Variants in COL6A3 observed in about 807,000 individuals in gnomAD.
COL6A3 encodes the protein collagen type VI alpha 3 chain, also known as collagen alpha-3(VI) chain.
In COL6A3, 137 loss-of-function variants were observed where a neutral mutation model predicts 274.1. That is an observed-to-expected ratio of 0.50 (90% CI 0.44 to 0.58). COL6A3 has a LOEUF of 0.58. Ranked by LOEUF, COL6A3 falls within the 20% of genes least tolerant of loss-of-function variation. The pLI, the probability that COL6A3 is intolerant of heterozygous loss-of-function variation, is 0.00. For synonymous variants in COL6A3, 1,650 were observed against 1,650.6 expected, an observed-to-expected ratio of 1.00 and a Z score of 0.01; for missense variants, 3,950 against 4,124.9, an observed-to-expected ratio of 0.96 and a Z score of 1.16.
At position 237,380,922 on chromosome 2, in the gene COL6A3, G is replaced by A. The variant is rs1252237539; in HGVS notation, c.1890C>T (p.Thr630=). Residue 630 remains threonine (T), a synonymous_variant, in exon 5 of 44, where the codon ACC becomes ACT. Transcript: ENST00000295550. ...LLAPLRTLSG[T]PEVHSNKRDI... ...AAGCCATCACCACCATACCTTCAGG[G>A]GTTCCAGAGAGGGTCCTGAGAGGTG... 7 of 1,613,906 alleles carry A rather than the reference G, an allele frequency of 4.3e-6. No individual in the cohort carries two copies. Among genetic ancestry groups the A allele is most frequent in the Non-Finnish European group, 5.1e-6 (6 of 1,179,988 alleles).
In COL6A3 at chr2:237,341,079, C is replaced by T; in HGVS notation, c.7837G>A (p.Gly2613Arg). The T allele has an allele frequency of 6.2e-7, 1 of 1,614,208 alleles. No homozygotes were observed. Among genetic ancestry groups the T allele is most frequent in the Non-Finnish European group, 8.5e-7 (1 of 1,180,046 alleles). The change falls in exon 38 of 44, where the codon GGG becomes AGG. Residue 2613 changes from glycine (G) to arginine (R), a missense_variant. This residue lies in a region of COL6A3 where 1,284 missense variants were observed against 1,349.7 expected (regional missense o/e 0.95). Coordinates refer to ENST00000295550, the MANE Select transcript of COL6A3 (RefSeq NM_004369.4). ...RPSFRDRRAA[G>R]SDVDIDMAFI... ...GCCATGTCGATGTCCACATCGCTCCCTGCCGCTCTCCTGTCCCTGAAGGAA... is the reference window on the plus strand; with the variant it reads ...GCCATGTCGATGTCCACATCGCTCCTTGCCGCTCTCCTGTCCCTGAAGGAA...
At chr2:237,335,626 G>GC (rs533086929) in intron 40 of COL6A3, among the ~76,000 whole-genome samples, 8 of 152,138 alleles carry the variant, frequency 5.3e-5, no homozygotes, top group Non-Finnish European at 1.0e-4. Context: ...ACAGCTTAGG[G>GC]CCCCTTTTCT....
At position 237,368,929 on chromosome 2, in the gene COL6A3, A is replaced by T. The variant is rs1553557796; in HGVS notation, c.4534T>A (p.Ser1512Thr). ...AIRRLRLRGG[S>T]PLNTGKALEF... ...AGAGCCTTGCCAGTGTTCAGTGGGG[A>T]CCCCCCTCTGAGCCTCAGGCGCCGT... The change falls in exon 10 of 44, where the codon TCC becomes ACC. Residue 1512 changes from serine to threonine, a missense_variant. By Grantham distance (58) the Ser-to-Thr change is moderately conservative. Coordinates refer to ENST00000295550, the MANE Select transcript of COL6A3 (RefSeq NM_004369.4). This position sits in a 1 kb window ranked among gnomAD's most constrained non-coding sequence, Gnocchi z 4.4. 2.5e-6 allele frequency: 4 copies of T among 1,613,422 alleles called. No individual in the cohort carries two copies. The highest frequency in any genetic ancestry group is 4.5e-5 in the East Asian group (2 of 44,852).
intron 4 of COL6A3, chr2:237,386,583 T>G (rs2078148629): frequency 6.6e-6 from 1 of 152,186 alleles, no homozygotes; most frequent in South Asian, 2.1e-4. Flanking sequence ...TCGGTATCCA[T>G]TCACCAATTT....
In COL6A3 at chr2:237,374,699, C is replaced by T. The variant is rs769494656; in HGVS notation, c.3392G>A (p.Gly1131Asp). ...VSSAGSRITE[G>D]VPQLLIVLTA... ...GAGGACGATCAGCAGCTGGGGCACA[C>T]CTTCTGTTATCCTGCTTCCCGCAGA... Residue 1131 changes from glycine to aspartate, a missense_variant, in exon 8 of 44, where the codon GGT becomes GAT. Around this residue, in one of 5 missense-constraint regions of COL6A3, gnomAD observed 1,934 missense variants for 1,984.3 expected, o/e 0.97. Transcript: ENST00000295550. The surrounding 1 kb of genome is among the most constrained non-coding windows in gnomAD (Gnocchi z 4.8). 10 of 1,613,580 alleles carry T rather than the reference C, an allele frequency of 6.2e-6. No individual in the cohort carries two copies. The highest frequency in any genetic ancestry group is 4.0e-5 in the African/African-American group (3 of 74,938).
At chr2:237,370,599 A>G (rs2077664100) in intron 9 of COL6A3, among the ~76,000 whole-genome samples, 1 of 152,232 alleles carries the variant, frequency 6.6e-6, no homozygotes, top group African/African-American at 2.4e-5. Context: ...ACATTTTCCT[A>G]TTAGTTAGAA....
Position 237,334,895 on chromosome 2 carries a change from A to C in COL6A3, c.8966-6T>G. On this transcript the variant is annotated splice_region_variant and splice_polypyrimidine_tract_variant and intron_variant, in intron 40 of 43. Transcript: ENST00000295550. ...GACTTCACGGGACATCTTAACTGAA[A>C]GATAGATCAGAGCGTGAAGATAAAA... 6.2e-7 allele frequency: 1 copy of C among 1,614,158 alleles called. No individual in the cohort carries two copies. Among genetic ancestry groups the C allele is most frequent in the South Asian group, 1.1e-5 (1 of 91,078 alleles).
rs2077626796 is a variant in COL6A3 at position 237,369,176 on chromosome 2, T to C, written c.4287A>G (p.Ala1429=). The C allele has an allele frequency of 1.2e-6, 2 of 1,609,820 alleles. No homozygotes were observed. Among genetic ancestry groups the C allele is most frequent in the African/African-American group, 1.3e-5 (1 of 74,938 alleles). The change falls in exon 10 of 44, where the codon GCA becomes GCG. Residue 1429 remains alanine, a splice_region_variant and synonymous_variant. Transcript: ENST00000295550. ...LLASTRYPPP[A]VESDAADIVF... ...CAATGTCTGCAGCATCACTCTCAAC[T>C]GCTGCAGATCAAAGAAGAAAAAGGG...
rs1189356871 is a variant in COL6A3 at position 237,374,738 on chromosome 2, T to C, written c.3353A>G (p.Asn1118Ser). Residue 1118 changes from asparagine (N) to serine (S), a missense_variant, in exon 8 of 44, where the codon AAC becomes AGC. Asn to Ser is a conservative substitution (Grantham distance 46). Around this residue, in one of 5 missense-constraint regions of COL6A3, gnomAD observed 1,934 missense variants for 1,984.3 expected, o/e 0.97. Transcript: ENST00000295550. This position sits in a 1 kb window ranked among gnomAD's most constrained non-coding sequence, Gnocchi z 4.8. ...GCTTCCCGCAGAGCTGACCAGGATG[T>C]TCCTCAGGACAAACTCCAGGGCGGC... is the stretch of plus-strand genomic sequence containing the variant. ...TGAALEFVLR[N>S]ILVSSAGSRI... 3.7e-6 allele frequency: 6 copies of C among 1,613,434 alleles called. No homozygotes were observed. In the African/African-American group the frequency reaches 6.7e-5, roughly 18 times the overall value.
At position 237,361,735 on chromosome 2, in the gene COL6A3, G is replaced by A. The variant is rs111228504; in HGVS notation, c.6156+4C>T. The A allele has an allele frequency of 0.011, 18,434 of 1,613,656 alleles. 131 individuals carry two copies. Among genetic ancestry groups the A allele is most frequent in the Middle Eastern group, 0.017 (101 of 6,058 alleles). On this transcript the variant is annotated splice_donor_region_variant and intron_variant, in intron 15 of 43. Transcript: ENST00000295550. The surrounding 1 kb of genome is among the most constrained non-coding windows in gnomAD (Gnocchi z 5.1). ...AGGCGTGGGCAAGGGTAAAGCCACCGTACCTTTGGCCCGATGCTGCCGATG... is the reference window on the plus strand; with the variant it reads ...AGGCGTGGGCAAGGGTAAAGCCACCATACCTTTGGCCCGATGCTGCCGATG...
In COL6A3 at chr2:237,375,037, C is replaced by CTGGT. The variant is rs1321741683; in HGVS notation, c.3071-21_3071-18dup. 5.6e-6 allele frequency: 9 copies of CTGGT among 1,612,870 alleles called. No individual in the cohort carries two copies. The East Asian group carries it at 2.0e-4, about 36-fold the overall frequency. On this transcript the variant is annotated splice_polypyrimidine_tract_variant and intron_variant, in intron 7 of 43. Coordinates refer to ENST00000295550, the MANE Select transcript of COL6A3 (RefSeq NM_004369.4). The stretch of plus-strand genomic sequence containing the variant: ...CACCTGAAACTGGGAGGAGGACAGC[C>CTGGT]TGGTAACTCACACAGGACATCAGAG...
At chr2:237,358,030 C>T (rs1029061850) in intron 21 of COL6A3, 148 bp from the exon 22 acceptor site, 20 of 785,826 alleles carry the variant, frequency 2.5e-5, no homozygotes, top group Middle Eastern at 3.4e-4. Context: ...CAGGTAACAT[C>T]CATGCAGGTC....
chr2:237,350,934 A>G (rs1470448454), intron 27 of COL6A3, among the ~76,000 whole-genome samples, 196 bp downstream of exon 27: 5 of 152,222 alleles, frequency 3.3e-5, no homozygotes, highest in South Asian at 4.2e-4. Context: ...GGTGGCAGGG[A>G]TGGTGGTGGG....
At chr2:237,404,959 C>T (rs1198235505) in intron 1 of COL6A3, among the ~76,000 whole-genome samples, 1 of 152,052 alleles carries the variant, frequency 6.6e-6, no homozygotes, top group East Asian at 1.9e-4. Context: ...GGAGTAGCCC[C>T]CTCAGTGGAG....
At position 237,394,934 on chromosome 2, in the gene COL6A3, C is replaced by A. The variant is rs762563572; in HGVS notation, c.362G>T (p.Gly121Val). Residue 121 changes from glycine to valine, a missense_variant, in exon 3 of 44, where the codon GGA (glycine) becomes GTA (valine). Around this residue, in one of 5 missense-constraint regions of COL6A3, gnomAD observed 1,934 missense variants for 1,984.3 expected, o/e 0.97. Coordinates refer to ENST00000295550, the MANE Select transcript of COL6A3 (RefSeq NM_004369.4). The stretch of plus-strand genomic sequence containing the variant: ...GTGGCTTTGCATTATGTATTCTAAT[C>A]CTTTTCCAGTCTGATTGGTTCCCCC... ...YIGGTNQTGK[G>V]LEYIMQSHLT... The A allele has an allele frequency of 1.9e-6, 3 of 1,613,958 alleles. No individual in the cohort carries two copies. Among genetic ancestry groups the A allele is most frequent in the Non-Finnish European group, 1.7e-6 (2 of 1,179,902 alleles).
Position 237,332,068 on chromosome 2 carries a change from T to TAC in COL6A3, c.9328+1380_9328+1381dup, listed in dbSNP as rs1455455667. On this transcript the variant is annotated intron_variant, in intron 42 of 43. Coordinates refer to ENST00000295550, the MANE Select transcript of COL6A3 (RefSeq NM_004369.4). ...CTCCCCCCATCTCTCTCTCTCTCTC[T>TAC]ACATATATATATATATATATATATA... Among the ~76,000 whole-genome samples the TAC allele has an allele frequency of 4.0e-3, 205 of 51,172 alleles. 4 individuals are homozygous for TAC. The highest frequency in any genetic ancestry group is 6.3e-3 in the Non-Finnish European group (169 of 27,016). The allele number at this position is 51,172 out of a possible 152,430, so 33.6% of individuals were successfully genotyped here.
rs192306560 is a variant in COL6A3, at chr2:237,370,278, G to A, written c.4286-1101C>T. ...TTTTTAGATGGAGTCTTGCTCTGTC[G>A]CCCAGGCTGGAGTGCAGTGGCGCAA... is the stretch of plus-strand genomic sequence containing the variant. On this transcript the variant is annotated intron_variant, in intron 9 of 43. Transcript: ENST00000295550. Among the ~76,000 whole-genome samples the A allele has an allele frequency of 9.4e-4, 132 of 139,806 alleles. 1 individual carries two copies. Among genetic ancestry groups the A allele is most frequent in the Admixed American group, 2.0e-3 (27 of 13,832 alleles). 91.7% of individuals were successfully genotyped at this position (139,806 alleles called of 152,430 possible).
At position 237,374,999 on chromosome 2, in the gene COL6A3, A is replaced by G; in HGVS notation, c.3092T>C (p.Val1031Ala). ...GCCCTCAGAGCCATCAAGCAGAAAC[A>G]CCACGTCCTTTTCACCTGAAACTGG... is the stretch of plus-strand genomic sequence containing the variant. ...PAPVSGEKDV[V>A]FLLDGSEGVR... The change falls in exon 8 of 44, where the codon GTG becomes GCG. Residue 1031 changes from valine (V) to alanine (A), a missense_variant. This residue lies in a region of COL6A3 where 1,934 missense variants were observed against 1,984.3 expected (regional missense o/e 0.97). Coordinates refer to ENST00000295550, the MANE Select transcript of COL6A3 (RefSeq NM_004369.4). The surrounding 1 kb of genome is among the most constrained non-coding windows in gnomAD (Gnocchi z 4.8). The G allele has an allele frequency of 1.9e-6, 3 of 1,613,884 alleles. No homozygotes were observed. The highest frequency in any genetic ancestry group is 1.3e-5 in the African/African-American group (1 of 75,028).
chr2:237,378,517 G>A, intron 6 of COL6A3, 119 bp downstream of exon 6: 1 of 1,458,704 alleles, frequency 6.9e-7, no homozygotes, highest in Non-Finnish European at 9.6e-7. Context: ...CTATTTCAAT[G>A]GAAGGGAGCC....
Sources: gnomAD v4.1 joint callset for allele counts (sites outside exome capture counted in the v4.1 genomes callset) on GRCh38, gnomAD v4.1.1 for gene constraint, gnomAD v4.1.1 regional missense constraint, Gnocchi (gnomAD v3.1) non-coding constraint, MANE v1.5 for transcripts, NCBI Gene and HGNC (gene_info 2026-07-23, HGNC 2026-07-21) for gene names.